The following FER variants were observed in gnomAD, a reference collection of about 807,000 sequenced individuals.
FER encodes the protein FER tyrosine kinase.
A neutral mutation model predicts 111.0 loss-of-function variants in FER; 63 were observed. That is an observed-to-expected ratio of 0.57 (90% confidence interval 0.46 to 0.70). The LOEUF is 0.70. FER is among the 30% of genes least tolerant of loss of function. The pLI, the probability that FER is intolerant of heterozygous loss-of-function variation, is 0.00. For missense variants in FER, 914 were observed against 954.0 expected (o/e 0.96, Z 0.55); for synonymous variants, 327 against 313.9 (o/e 1.04, Z -0.44).
At position 109,187,461 on chromosome 5, in the gene FER, T is replaced by C. The variant is rs190232603; in HGVS notation, c.2355T>C (p.Cys785=). 6.2e-7 allele frequency: 1 copy of C among 1,614,132 alleles called. No homozygotes were observed. Among genetic ancestry groups the C allele is most frequent in the Admixed American group, 1.7e-5 (1 of 60,018 alleles). Residue 785 remains cysteine (C), a synonymous_variant, in exon 20 of 20, where the codon TGT becomes TGC. Coordinates refer to ENST00000281092, the MANE Select transcript of FER (RefSeq NM_005246.4). ...RGYRMSAPQH[C]PEDISKIMMK... ...ACCGGATGTCAGCTCCCCAGCACTG[T>C]CCAGAGGATATTTCCAAAATCATGA...
chr5:109,113,032 A>G (rs1387695919), intron 17 of FER, among the ~76,000 whole-genome samples: 2 of 152,118 alleles, frequency 1.3e-5, no homozygotes, highest in Non-Finnish European at 2.9e-5. Flanking sequence ...GTCTTTTCCA[A>G]TGCAAGAAAA....
At chr5:109,143,014 T>C (rs1212397686) in intron 17 of FER, among the ~76,000 whole-genome samples, 1 of 152,104 alleles carries the variant, frequency 6.6e-6, no homozygotes, top group Non-Finnish European at 1.5e-5. Flanking sequence ...GATTATTTTG[T>C]GGAAAAAGCA....
At chr5:109,005,323 G>A (rs1765357235) in intron 13 of FER, among the ~76,000 whole-genome samples, 1 of 151,978 alleles carries the variant, frequency 6.6e-6, no homozygotes. Flanking sequence ...GAGGATAGAA[G>A]GTGTTAGAGG....
chr5:108,991,056 C>T (rs917714376), intron 13 of FER, among the ~76,000 whole-genome samples: 3 of 151,250 alleles, frequency 2.0e-5, no homozygotes, highest in Non-Finnish European at 4.4e-5. Flanking sequence ...TGTATATATA[C>T]ACACATATAT....
intron 13 of FER, among the ~76,000 whole-genome samples, chr5:109,031,143 A>G (rs571878533): frequency 3.3e-5 from 5 of 152,074 alleles, no homozygotes; most frequent in Admixed American, 2.6e-4. Context: ...GAGGACTCTT[A>G]TATAATCCAG....
At chr5:109,049,424 G>A (rs1040962200) in intron 16 of FER, among the ~76,000 whole-genome samples, 1 of 152,134 alleles carries the variant, frequency 6.6e-6, no homozygotes, top group East Asian at 1.9e-4. Context: ...TCTGCCAGGG[G>A]CATCTCTTAG....
chr5:108,865,268 G>A (rs1303745138), intron 5 of FER, among the ~76,000 whole-genome samples: 3 of 152,100 alleles, frequency 2.0e-5, no homozygotes, highest in African/African-American at 7.2e-5. Context: ...AGATGATGGG[G>A]TTTTCTAAAT....
At chr5:109,004,743 C>G (rs2149789554) in intron 13 of FER, among the ~76,000 whole-genome samples, 1 of 152,012 alleles carries the variant, frequency 6.6e-6, no homozygotes, top group Admixed American at 6.6e-5. Context: ...GTTATAGTAA[C>G]AAAAAAGTCA....
At chr5:108,992,988 G>C (rs533979216) in intron 13 of FER, among the ~76,000 whole-genome samples, 16 of 150,846 alleles carry the variant, frequency 1.1e-4, no homozygotes, top group African/African-American at 3.9e-4. Context: ...GATGGCGGCC[G>C]GGAAGAGGCG....
intron 17 of FER, among the ~76,000 whole-genome samples, chr5:109,129,087 ATTACT>A (rs1752065284): frequency 1.3e-5 from 2 of 152,044 alleles, no homozygotes; most frequent in South Asian, 2.1e-4. Flanking sequence ...AAATCAGTGG[ATTACT>A]TTAAATTATT....
rs995865672 is a variant in FER at position 108,997,252 on chromosome 5, A to AT, written c.1656+37905_1656+37906insT. ...AACCCCGTCTCTACTAAAAAAAAAAAAAAAATACAAAAAAAATTAGCCGGG... is the reference window on the plus strand; with the variant it reads ...AACCCCGTCTCTACTAAAAAAAAAAATAAAAATACAAAAAAAATTAGCCGGG... On this transcript the variant is annotated intron_variant, in intron 13 of 19. Transcript: ENST00000281092. Among the ~76,000 whole-genome samples the AT allele has an allele frequency of 1.9e-3, 280 of 150,456 alleles. 3 individuals carry two copies. Among genetic ancestry groups the AT allele is most frequent in the Non-Finnish European group, 1.1e-3 (73 of 67,612 alleles).
intron 5 of FER, among the ~76,000 whole-genome samples, chr5:108,845,019 T>TATATATATATATATATATATATAC (rs1761805845): frequency 1.9e-5 from 1 of 51,554 alleles, no homozygotes; most frequent in Non-Finnish European, 3.8e-5. Flanking sequence ...TATATATATA[T>TATATATATATATATATATATATAC]ATATATATAT....
intron 17 of FER, among the ~76,000 whole-genome samples, chr5:109,130,038 A>C (rs78341733): frequency 6.7e-6 from 1 of 148,670 alleles, no homozygotes; most frequent in African/African-American, 2.5e-5. Context: ...TAGAAGGACA[A>C]TGTATTAATA....
At chr5:108,895,165 G>A (rs1748886317) in intron 9 of FER, among the ~76,000 whole-genome samples, 1 of 152,154 alleles carries the variant, frequency 6.6e-6, no homozygotes, top group African/African-American at 2.4e-5. Flanking sequence ...GAAGTCACTT[G>A]TTAAAATTAA....
intron 3 of FER, among the ~76,000 whole-genome samples, chr5:108,831,238 A>C (rs1358978412): frequency 2.0e-5 from 3 of 152,188 alleles, no homozygotes; most frequent in African/African-American, 7.2e-5. Context: ...AAGATACAGC[A>C]AGAAGACTGT....
chr5:108,963,969 T>A lies in FER; in HGVS notation c.1656+4622T>A, dbSNP rs77998436. On this transcript the variant is annotated intron_variant, in intron 13 of 19. Coordinates refer to ENST00000281092, the MANE Select transcript of FER (RefSeq NM_005246.4). The stretch of plus-strand genomic sequence containing the variant: ...TAGAGGCTTATAATATAGTTTTTGA[T>A]ATGTTGATGTCTTACCAATTCATCA... Among the ~76,000 whole-genome samples the A allele has an allele frequency of 5.8e-4, 88 of 152,354 alleles. 3 individuals carry two copies. In the East Asian group the frequency reaches 0.015, roughly 26 times the overall value.
intron 5 of FER, among the ~76,000 whole-genome samples, chr5:108,850,720 GTTTA>G (rs995625673): frequency 1.3e-5 from 2 of 151,850 alleles, no homozygotes; most frequent in Non-Finnish European, 2.9e-5. Context: ...CAGTAATTTT[GTTTA>G]TTTAGGGCAG....
At chr5:109,130,756 C>T (rs1752269662) in intron 17 of FER, among the ~76,000 whole-genome samples, 1 of 152,042 alleles carries the variant, frequency 6.6e-6, no homozygotes, top group African/African-American at 2.4e-5. Flanking sequence ...TATGTTTCAG[C>T]TGTTCAGCAA....
intron 10 of FER, among the ~76,000 whole-genome samples, chr5:108,931,321 A>G (rs1561636447): frequency 6.6e-6 from 1 of 150,808 alleles, no homozygotes; most frequent in Non-Finnish European, 1.5e-5. Context: ...TTTTCCATGT[A>G]TTTTTTTTTC....
Sources: gnomAD v4.1 joint callset for allele counts (sites outside exome capture counted in the v4.1 genomes callset) on GRCh38, gnomAD v4.1.1 for gene constraint, MANE v1.5 for transcripts, NCBI Gene and HGNC (gene_info 2026-07-23, HGNC 2026-07-21) for gene names.